Variants in SETD3 observed in about 807,000 individuals in gnomAD.
SETD3 encodes the protein SET domain containing 3, actin N3(tau)-histidine methyltransferase.
A neutral mutation model predicts 63.0 loss-of-function variants in SETD3; 19 were observed. That is an observed-to-expected ratio of 0.30 (90% CI 0.21 to 0.44). The LOEUF (loss-of-function observed/expected upper bound fraction) is 0.44, where lower values mean the gene tolerates loss of function less well. Ranked by LOEUF, SETD3 falls within the 20% of genes least tolerant of loss-of-function variation. The pLI is 1.00. For synonymous variants in SETD3, 286 were observed against 264.1 expected, an observed-to-expected ratio of 1.08 and a Z score of -0.80; for missense variants, 587 against 728.5, an observed-to-expected ratio of 0.81 and a Z score of 2.24.
chr14:99,410,106 T>C (rs1891898358), intron 8 of SETD3: 4 of 1,100,276 alleles, frequency 3.6e-6, no homozygotes, highest in Non-Finnish European at 4.2e-6. Flanking sequence ...CCACATAGGG[T>C]GCTCAGGGCA....
chr14:99,406,604 G>A lies in SETD3; in HGVS notation c.850-14C>T. 1 of 1,613,480 alleles carries A rather than the reference G, an allele frequency of 6.2e-7. No individual in the cohort carries two copies. Among genetic ancestry groups the A allele is most frequent in the Middle Eastern group, 1.7e-4 (1 of 6,060 alleles). The stretch of plus-strand genomic sequence containing the variant: ...ACCAGTAGTGATCTAGCCCGGGGAG[G>A]AGGAAGGAAATGATGGTGAGGCAAA... On this transcript the variant is annotated splice_polypyrimidine_tract_variant and intron_variant, in intron 8 of 12. Coordinates refer to ENST00000331768, the MANE Select transcript of SETD3 (RefSeq NM_032233.3).
At chr14:99,407,847 G>A (rs1891770340) in intron 8 of SETD3, among the ~76,000 whole-genome samples, 1 of 152,160 alleles carries the variant, frequency 6.6e-6, no homozygotes, top group Non-Finnish European at 1.5e-5. Context: ...TGATCTCTGT[G>A]TCCCGAGTGC....
intron 6 of SETD3, among the ~76,000 whole-genome samples, chr14:99,445,715 A>G (rs1024932698): frequency 6.6e-6 from 1 of 152,222 alleles, no homozygotes; most frequent in African/African-American, 2.4e-5. Flanking sequence ...GAGTGTTCTC[A>G]TAAGGATACT....
At chr14:99,404,660 A>G (rs1891583979) in intron 10 of SETD3, among the ~76,000 whole-genome samples, 2 of 152,346 alleles carry the variant, frequency 1.3e-5, no homozygotes, top group Middle Eastern at 3.4e-3. Context: ...CACTTTAATC[A>G]TTAATCAAAT....
At chr14:99,463,851 A>C (rs2139788729) in intron 2 of SETD3, among the ~76,000 whole-genome samples, 1 of 152,338 alleles carries the variant, frequency 6.6e-6, no homozygotes, top group South Asian at 2.1e-4. Flanking sequence ...CATCCACCTT[A>C]TTCTTAGTTA....
At chr14:99,409,731 G>A (rs1891876976) in intron 8 of SETD3, 1 of 151,286 alleles carries the variant, frequency 6.6e-6, no homozygotes, top group South Asian at 2.1e-4. Context: ...GGGGGGGGGA[G>A]GATAAAGTAA....
intron 6 of SETD3, among the ~76,000 whole-genome samples, chr14:99,427,092 C>T (rs368473268): frequency 1.3e-5 from 2 of 152,250 alleles, no homozygotes; most frequent in African/African-American, 2.4e-5. Flanking sequence ...GTTCCTATGA[C>T]GAGGCTGCTA....
upstream of SETD3, among the ~76,000 whole-genome samples, chr14:99,482,048 T>C (rs533650517): frequency 6.6e-6 from 1 of 152,286 alleles, no homozygotes; most frequent in African/African-American, 2.4e-5. Flanking sequence ...TTTGGTTTGT[T>C]ATGAGAGAAA....
At chr14:99,422,982 A>G (rs1892668902) in intron 6 of SETD3, among the ~76,000 whole-genome samples, 1 of 152,224 alleles carries the variant, frequency 6.6e-6, no homozygotes, top group Admixed American at 6.5e-5. Flanking sequence ...CAGGAAGCTC[A>G]GTTACTTGAG....
chr14:99,472,263 G>C lies in SETD3; in HGVS notation c.-8-6450C>G, dbSNP rs118086161. On this transcript the variant is annotated intron_variant, in intron 1 of 12. Transcript: ENST00000331768. Reference sequence around the variant, plus strand: ...TAAACATAGAAGGGCAAGAAATAAAGTACAATTCAAGAAGGATGACTAAAT... The same window carrying C: ...TAAACATAGAAGGGCAAGAAATAAACTACAATTCAAGAAGGATGACTAAAT... 3.2e-4 allele frequency among the ~76,000 whole-genome samples: 48 copies of C among 152,300 alleles called. No individual in the cohort carries two copies. The East Asian group carries it at 8.5e-3, about 27-fold the overall frequency.
At chr14:99,438,703 GT>G (rs2139711585) in intron 6 of SETD3, among the ~76,000 whole-genome samples, 1 of 152,276 alleles carries the variant, frequency 6.6e-6, no homozygotes, top group South Asian at 2.1e-4. Flanking sequence ...TGCCGCTGGG[GT>G]TGTCATTAAG....
intron 6 of SETD3, among the ~76,000 whole-genome samples, chr14:99,443,351 A>G (rs992977049): frequency 2.1e-5 from 3 of 143,862 alleles, no homozygotes; most frequent in Non-Finnish European, 4.5e-5. Context: ...TCCTGGGTTC[A>G]AGCGATTCTC....
chr14:99,462,453 G>A (rs1460805781), intron 3 of SETD3, among the ~76,000 whole-genome samples: 2 of 152,162 alleles, frequency 1.3e-5, no homozygotes, highest in Non-Finnish European at 2.9e-5. Flanking sequence ...AGGGCATGCT[G>A]GATATGCGAA....
At chr14:99,481,310 G>A (rs1896305690), upstream of SETD3, 1 of 397,440 alleles carries the variant, frequency 2.5e-6, no homozygotes, top group Non-Finnish European at 4.4e-6. Context: ...TCTTTTGAGA[G>A]CTCTGCTTTC....
chr14:99,406,742 A>G, intron 8 of SETD3, 152 bp from the exon 9 acceptor site: 1 of 692,392 alleles, frequency 1.4e-6, no homozygotes, highest in South Asian at 1.8e-5. Flanking sequence ...GGGGCAAAGA[A>G]CTGCTTGAGC....
chr14:99,454,666 C>T (rs147054743), intron 6 of SETD3, among the ~76,000 whole-genome samples: 75 of 152,330 alleles, frequency 4.9e-4, no homozygotes, highest in East Asian at 4.2e-3. Context: ...CGTGGATCAA[C>T]TCTGCTCGCT....
At chr14:99,419,797 A>C (rs1402575399) in intron 6 of SETD3, among the ~76,000 whole-genome samples, 4 of 151,168 alleles carry the variant, frequency 2.6e-5, no homozygotes, top group Middle Eastern at 3.4e-3. Flanking sequence ...AAAAAAAAAA[A>C]CCTTTTTATT....
At chr14:99,451,123 T>C (rs1006714777) in intron 6 of SETD3, among the ~76,000 whole-genome samples, 1 of 152,238 alleles carries the variant, frequency 6.6e-6, no homozygotes, top group Non-Finnish European at 1.5e-5. Flanking sequence ...CACACAATTA[T>C]AGTACTTCAA....
Position 99,398,569 on chromosome 14 carries a change from A to T in SETD3, c.*110T>A. The T allele has an allele frequency of 9.4e-7, 1 of 1,061,230 alleles. No homozygotes were observed. The highest frequency in any genetic ancestry group is 1.4e-6 in the Non-Finnish European group (1 of 734,898). 65.7% of individuals were successfully genotyped at this position (1,061,230 alleles called of 1,614,324 possible). ...CATTTTTATATAAAGCAGCAAAAAC[A>T]TATCTTCCTCTCTGCAGAAAGAAAA... On this transcript the variant is annotated 3_prime_UTR_variant, in exon 13 of 13. Coordinates refer to ENST00000331768, the MANE Select transcript of SETD3 (RefSeq NM_032233.3).
Sources: gnomAD v4.1 joint callset for allele counts (sites outside exome capture counted in the v4.1 genomes callset) on GRCh38, gnomAD v4.1.1 for gene constraint, MANE v1.5 for transcripts, NCBI Gene and HGNC (gene_info 2026-07-23, HGNC 2026-07-21) for gene names.